Variants in ROR1 observed in about 807,000 individuals in gnomAD.
The protein encoded by ROR1 is inactive tyrosine-protein kinase transmembrane receptor ROR1.
In ROR1, 19 loss-of-function variants were observed where a neutral mutation model predicts 78.8. The ratio of observed to expected loss-of-function variants is 0.24; its 90% CI spans 0.17 to 0.35. The LOEUF (loss-of-function observed/expected upper bound fraction) is 0.35, where lower values mean the gene tolerates loss of function less well. Among genes scored for constraint, ROR1 ranks in the 10% least tolerant of loss-of-function variants. ROR1 has a pLI of 1.00. For missense variants in ROR1, 917 were observed against 1,177.8 expected (o/e 0.78, Z 3.24); for synonymous variants, 386 against 433.6 (o/e 0.89, Z 1.36).
chr1:64,011,393 C>T (rs1646473476), intron 2 of ROR1, among the ~76,000 whole-genome samples: 1 of 152,240 alleles, frequency 6.6e-6, no homozygotes, highest in South Asian at 2.1e-4. Context: ...TTTTTGTGAA[C>T]TTATTCTGCA....
intron 1 of ROR1, among the ~76,000 whole-genome samples, chr1:63,963,293 C>T (rs1037522872): frequency 9.9e-5 from 15 of 151,950 alleles, no homozygotes; most frequent in Admixed American, 2.0e-4. Flanking sequence ...CTGGGCTGGG[C>T]GCAGTGGCTC....
chr1:63,900,453 CAAA>C (rs371935993), intron 1 of ROR1, among the ~76,000 whole-genome samples: 6 of 110,710 alleles, frequency 5.4e-5, no homozygotes, highest in Admixed American at 1.0e-4. Flanking sequence ...GACTCCATCT[CAAA>C]AAAAAAAAAA....
intron 1 of ROR1, among the ~76,000 whole-genome samples, chr1:63,966,720 C>T (rs1053377255): frequency 3.9e-5 from 6 of 152,278 alleles, no homozygotes; most frequent in Admixed American, 3.9e-4. Context: ...GTTTGTTTGG[C>T]TGCCTCTGAA....
At chr1:63,887,306 G>A (rs1187913243) in intron 1 of ROR1, among the ~76,000 whole-genome samples, 5 of 152,150 alleles carry the variant, frequency 3.3e-5, no homozygotes, top group Non-Finnish European at 7.4e-5. Flanking sequence ...TCTGAAGAAA[G>A]AAGAGGAGGG....
chr1:63,877,459 T>C (rs545632213), intron 1 of ROR1, among the ~76,000 whole-genome samples: 9 of 152,158 alleles, frequency 5.9e-5, no homozygotes, highest in Non-Finnish European at 1.2e-4. Context: ...TCGTGTAAGA[T>C]CTGGCACTTG....
intron 8 of ROR1, among the ~76,000 whole-genome samples, chr1:64,160,555 C>A (rs1445245795): frequency 6.6e-6 from 1 of 151,982 alleles, no homozygotes; most frequent in Non-Finnish European, 1.5e-5. Context: ...AGGGATTCAA[C>A]TCTTTTGACA....
intron 1 of ROR1, among the ~76,000 whole-genome samples, chr1:63,849,666 C>T (rs1645101762): frequency 6.6e-6 from 1 of 152,146 alleles, no homozygotes; most frequent in South Asian, 2.1e-4. Context: ...CCCCACACTA[C>T]AGCCTGAGGG....
intron 1 of ROR1, among the ~76,000 whole-genome samples, chr1:63,979,092 T>C (rs1186270187): frequency 6.6e-6 from 1 of 152,210 alleles, no homozygotes; most frequent in African/African-American, 2.4e-5. Context: ...GCAATCTTTA[T>C]TCAGAACCTA....
intron 1 of ROR1, among the ~76,000 whole-genome samples, chr1:63,986,552 A>T (rs1646253705): frequency 6.6e-6 from 1 of 152,186 alleles, no homozygotes; most frequent in Non-Finnish European, 1.5e-5. Context: ...ACTTTATTAT[A>T]TGTGCAGGAG....
chr1:63,814,031 A>G (rs1470528171), intron 1 of ROR1, among the ~76,000 whole-genome samples: 1 of 152,138 alleles, frequency 6.6e-6, no homozygotes, highest in Non-Finnish European at 1.5e-5. Flanking sequence ...ATTATTTTGC[A>G]TGCTGTTTTG....
At chr1:64,154,472 A>G (rs755273155) in intron 7 of ROR1, among the ~76,000 whole-genome samples, 7 of 152,230 alleles carry the variant, frequency 4.6e-5, no homozygotes, top group Non-Finnish European at 8.8e-5. Context: ...TGCCATATTT[A>G]AAACCAGAGC....
chr1:63,967,441 C>T (rs1646084350), intron 1 of ROR1, among the ~76,000 whole-genome samples: 1 of 152,074 alleles, frequency 6.6e-6, no homozygotes, highest in Non-Finnish European at 1.5e-5. Context: ...CTCAGGCTGG[C>T]CTTTGAACTC....
chr1:63,955,397 T>C (rs1437550716), intron 1 of ROR1, among the ~76,000 whole-genome samples: 4 of 152,182 alleles, frequency 2.6e-5, no homozygotes, highest in African/African-American at 9.6e-5. Flanking sequence ...ATCAGAAATC[T>C]TATTTATAGC....
At chr1:64,174,511 G>A (rs1650324706) in intron 8 of ROR1, among the ~76,000 whole-genome samples, 1 of 152,222 alleles carries the variant, frequency 6.6e-6, no homozygotes, top group African/African-American at 2.4e-5. Flanking sequence ...GGAGGAGAGG[G>A]TATTGGGTTT....
At chr1:63,899,555 C>T (rs1645468460) in intron 1 of ROR1, among the ~76,000 whole-genome samples, 3 of 152,000 alleles carry the variant, frequency 2.0e-5, no homozygotes, top group South Asian at 2.1e-4. Context: ...TGAATTGCTC[C>T]GAGCCTTAAG....
intron 1 of ROR1, among the ~76,000 whole-genome samples, chr1:63,978,065 C>T (rs759828778): frequency 5.3e-5 from 8 of 152,110 alleles, no homozygotes; most frequent in Non-Finnish European, 1.2e-4. Flanking sequence ...ACTACTGAGG[C>T]CTTGGAGGTT....
chr1:63,885,039 A>C (rs942291696), intron 1 of ROR1, among the ~76,000 whole-genome samples: 12 of 152,190 alleles, frequency 7.9e-5, no homozygotes, highest in Non-Finnish European at 1.5e-4. Flanking sequence ...GAAATTGATA[A>C]TACTTATCTC....
intron 4 of ROR1, among the ~76,000 whole-genome samples, chr1:64,070,228 G>A (rs2100616657): frequency 6.6e-6 from 1 of 152,290 alleles, no homozygotes; most frequent in African/African-American, 2.4e-5. Context: ...TGTCTTCCTT[G>A]TGTTTTGATG....
chr1:64,105,200 C>G (rs1647746146), intron 4 of ROR1: 1 of 151,886 alleles, frequency 6.6e-6, no homozygotes, highest in Admixed American at 6.6e-5. Flanking sequence ...ATTTGCATTT[C>G]TCTAATGATC....
Sources: allele counts gnomAD v4.1 joint callset (sites outside exome capture counted in the v4.1 genomes callset), GRCh38; gene constraint gnomAD v4.1.1; transcripts MANE v1.5; gene names NCBI Gene and HGNC (gene_info 2026-07-23, HGNC 2026-07-21).